Variants in PDXDC1 observed in about 807,000 individuals in gnomAD.
PDXDC1 encodes pyridoxal dependent decarboxylase domain containing 1.
Under a neutral mutation model 100.1 loss-of-function variants are expected in PDXDC1, and 42 were observed. The ratio of observed to expected loss-of-function variants is 0.42; its 90% CI spans 0.33 to 0.54. The LOEUF (loss-of-function observed/expected upper bound fraction) is 0.54, where lower values mean the gene tolerates loss of function less well. Among genes scored for constraint, PDXDC1 ranks in the 20% least tolerant of loss-of-function variants. The pLI, the probability that PDXDC1 is intolerant of heterozygous loss-of-function variation, is 0.10. For synonymous variants in PDXDC1, 260 were observed against 371.7 expected (o/e 0.70, Z 3.46); for missense variants, 636 against 979.2 (o/e 0.65, Z 4.68).
chr16:15,000,288 A>G lies in PDXDC1; in HGVS notation c.162-1488A>G, dbSNP rs564532679. Among the ~76,000 whole-genome samples, 4 of 152,400 alleles carry G rather than the reference A, an allele frequency of 2.6e-5. No homozygotes were observed. The East Asian group carries it at 5.8e-4, about 22-fold the overall frequency. On this transcript the variant is annotated intron_variant, in intron 3 of 22. Transcript: ENST00000396410. ...CCACCCAGCATTCAAGACTAGTAAC[A>G]TGCCAGGCACAGCTAAGTGCCATAC...
At chr16:15,065,768 T>C (rs1439443655) in intron 16 of PDXDC1, among the ~76,000 whole-genome samples, 2 of 152,098 alleles carry the variant, frequency 1.3e-5, no homozygotes, top group African/African-American at 4.8e-5. Flanking sequence ...AGAAGGTTGG[T>C]GGTAAAGGGA....
chr16:15,146,870 C>G, the PDXDC1 span, among the ~76,000 whole-genome samples: 1 of 151,986 alleles, frequency 6.6e-6, no homozygotes, highest in Middle Eastern at 3.2e-3. Context: ...CTACACTGCC[C>G]TGCAGGGTGC....
chr16:15,084,731 G>C, intron 16 of PDXDC1: 1 of 1,583,850 alleles, frequency 6.3e-7, no homozygotes, highest in Non-Finnish European at 8.7e-7. Context: ...TTCAGAGTAT[G>C]AGCATCAAAA....
At chr16:15,072,976 T>C (rs2045299446) in intron 16 of PDXDC1, 4 of 1,613,572 alleles carry the variant, frequency 2.5e-6, no homozygotes, top group Admixed American at 3.3e-5. Context: ...AGGTAAAACA[T>C]GAAAAACTGT....
rs764486891 is a variant in PDXDC1 at position 15,085,705 on chromosome 16, A to C, written c.1400-53174A>C. The stretch of plus-strand genomic sequence containing the variant: ...TCCTTAATGATCACTCGGGCTTTTG[A>C]GGGAAAAAGAAAATATGTTATTCTG... On this transcript the variant is annotated intron_variant, in intron 16 of 16. Coordinates refer to the PDXDC1 transcript ENST00000535621. 9.9e-6 allele frequency: 16 copies of C among 1,612,930 alleles called. No individual in the cohort carries two copies. The Admixed American group carries it at 2.5e-4, about 25-fold the overall frequency.
chr16:15,035,099 CGAT>C (rs2043324218), intron 21 of PDXDC1, among the ~76,000 whole-genome samples: 1 of 152,200 alleles, frequency 6.6e-6, no homozygotes, highest in Non-Finnish European at 1.5e-5. Context: ...TCCCAGGAAA[CGAT>C]GACTCCATTG....
At chr16:15,035,374 C>G in intron 21 of PDXDC1, 75 bp from the exon 22 acceptor site, 1 of 720,918 alleles carries the variant, frequency 1.4e-6, no homozygotes, top group Non-Finnish European at 2.3e-6. Flanking sequence ...GGGAGCAAGG[C>G]TGTGTGAGGG....
chr16:15,053,889 G>A (rs2044393993), intron 16 of PDXDC1, among the ~76,000 whole-genome samples: 1 of 152,174 alleles, frequency 6.6e-6, no homozygotes, highest in African/African-American at 2.4e-5. Flanking sequence ...TCCAGCCTGG[G>A]CCACAGAACA....
Position 15,135,107 on chromosome 16 carries a change from C to G in PDXDC1, c.1400-3772C>G. ...TTGAAGACTGTATGTGGAACTGTGGCAGGTTTGGAAGGAAGCAAAGCTGAA... is the reference window on the plus strand; with the variant it reads ...TTGAAGACTGTATGTGGAACTGTGGGAGGTTTGGAAGGAAGCAAAGCTGAA... On this transcript the variant is annotated intron_variant, in intron 16 of 16. Coordinates refer to the PDXDC1 transcript ENST00000535621. The G allele has an allele frequency of 4.8e-6, 3 of 628,844 alleles. No individual in the cohort carries two copies. In the East Asian group the frequency reaches 8.3e-5, roughly 17 times the overall value. 39.0% of individuals were successfully genotyped at this position (628,844 alleles called of 1,614,324 possible).
chr16:15,093,970 T>G lies in PDXDC1; in HGVS notation c.1400-44909T>G. On this transcript the variant is annotated intron_variant, in intron 16 of 16. Coordinates refer to the PDXDC1 transcript ENST00000535621. ...TAGTCACTTTTCCAGGCCCCACCCA[T>G]GTCTATTACCCAGTTAGGAGGAATG... 4.7e-6 allele frequency: 3 copies of G among 642,376 alleles called. No individual in the cohort carries two copies. The South Asian group carries it at 5.4e-5, about 12-fold the overall frequency. The allele number at this position is 642,376 out of a possible 1,614,324, so 39.8% of individuals were successfully genotyped here.
intron 16 of PDXDC1, among the ~76,000 whole-genome samples, chr16:15,095,252 A>T (rs1397651559): frequency 1.3e-5 from 2 of 152,074 alleles, no homozygotes; most frequent in East Asian, 1.9e-4. Context: ...ACTGTGGAGG[A>T]TGTAGAGGGA....
At chr16:15,139,390 A>G (rs1464804117), downstream of PDXDC1, 1 of 74,918 alleles carries the variant, frequency 1.3e-5, no homozygotes, top group African/African-American at 5.5e-5. Context: ...AATATAAATA[A>G]AATTAGAAAA....
intron 16 of PDXDC1, chr16:15,060,880 C>T (rs1018637409): frequency 2.0e-5 from 3 of 152,178 alleles, no homozygotes; most frequent in African/African-American, 4.8e-5. Flanking sequence ...AAAACTGACT[C>T]GATCTAATGG....
downstream of PDXDC1, among the ~76,000 whole-genome samples, chr16:15,143,166 G>A (rs1042067697): frequency 1.3e-5 from 2 of 152,190 alleles, no homozygotes; most frequent in African/African-American, 4.8e-5. Flanking sequence ...TGGAAGGCAG[G>A]AGGAGTTAGG....
At chr16:14,976,752 TAC>T (rs1212990831) in intron 1 of PDXDC1, 2 of 152,344 alleles carry the variant, frequency 1.3e-5, no homozygotes, top group African/African-American at 4.8e-5. Context: ...CTAAACATCC[TAC>T]GTTGCACAGG....
chr16:15,005,835 G>A (rs1974137642), intron 5 of PDXDC1, among the ~76,000 whole-genome samples: 1 of 152,276 alleles, frequency 6.6e-6, no homozygotes, highest in Non-Finnish European at 1.5e-5. Flanking sequence ...GAGTAGCTGG[G>A]ACTACAGGCA....
chr16:15,144,303 T>C (rs562317395), downstream of PDXDC1, among the ~76,000 whole-genome samples: 8 of 152,284 alleles, frequency 5.3e-5, no homozygotes, highest in African/African-American at 1.7e-4. Context: ...TGCTCCTTTC[T>C]ATTTAAGGAG....
chr16:14,994,570 G>A (rs1157271161), intron 1 of PDXDC1, among the ~76,000 whole-genome samples: 1 of 152,286 alleles, frequency 6.6e-6, no homozygotes, highest in African/African-American at 2.4e-5. Flanking sequence ...AAGTCAGGTA[G>A]CATGATGCCT....
At chr16:15,083,641 A>T in intron 16 of PDXDC1, 1 of 1,573,606 alleles carries the variant, frequency 6.4e-7, no homozygotes, top group Non-Finnish European at 8.6e-7. Flanking sequence ...AAGGAATAAA[A>T]AGGAAAACTA....
Sources: allele counts gnomAD v4.1 joint callset (sites outside exome capture counted in the v4.1 genomes callset), GRCh38; gene constraint gnomAD v4.1.1; transcripts MANE v1.5; gene names NCBI Gene and HGNC (gene_info 2026-07-23, HGNC 2026-07-21).